The following ZDHHC20 variants were observed in gnomAD, a reference collection of about 807,000 sequenced individuals.
The protein encoded by ZDHHC20 is palmitoyltransferase ZDHHC20.
ZDHHC20 carries 43 observed loss-of-function variants against 57.8 expected under a neutral mutation model. That is an observed-to-expected ratio of 0.74 (90% CI 0.58 to 0.96). The LOEUF (loss-of-function observed/expected upper bound fraction) is 0.96, where lower values mean the gene tolerates loss of function less well. Ranked by LOEUF, ZDHHC20 falls within the 40% of genes least tolerant of loss-of-function variation. The pLI, the probability that ZDHHC20 is intolerant of heterozygous loss-of-function variation, is 0.00. For synonymous variants in ZDHHC20, 157 were observed against 153.0 expected, an observed-to-expected ratio of 1.03 and a Z score of -0.19; for missense variants, 391 against 441.1, an observed-to-expected ratio of 0.89 and a Z score of 1.02.
At chr13:21,427,834 CAAAAAAAAAA>C (rs755599024) in intron 1 of ZDHHC20, among the ~76,000 whole-genome samples, 1 of 92,526 alleles carries the variant, frequency 1.1e-5, no homozygotes, top group South Asian at 4.2e-4. Context: ...GACTCTGTTT[CAAAAAAAAAA>C]AAAAAAAAAA....
rs1445414755 is a variant in ZDHHC20 at position 21,387,652 on chromosome 13, A to G, written c.728-18T>C. The G allele has an allele frequency of 5.2e-6, 7 of 1,345,734 alleles. No individual in the cohort carries two copies. Among genetic ancestry groups the G allele is most frequent in the Non-Finnish European group, 6.7e-6 (7 of 1,038,850 alleles). 83.4% of individuals were successfully genotyped at this position (1,345,734 alleles called of 1,614,324 possible). On this transcript the variant is annotated intron_variant, in intron 8 of 12. Coordinates refer to ENST00000400590, the MANE Select transcript of ZDHHC20 (RefSeq NM_001330059.2). ...GAATGATTCTGTTAAATATACATACATATATAAACTAATTAATCTATTTAA... is the reference window on the plus strand; with the variant it reads ...GAATGATTCTGTTAAATATACATACGTATATAAACTAATTAATCTATTTAA...
intron 4 of ZDHHC20, among the ~76,000 whole-genome samples, chr13:21,412,096 TC>T (rs1879295141): frequency 6.6e-6 from 1 of 152,156 alleles, no homozygotes; most frequent in African/African-American, 2.4e-5. Context: ...GGTCTGCAGC[TC>T]CCACCTCTGA....
At chr13:21,378,169 C>T (rs528507557) in intron 12 of ZDHHC20, among the ~76,000 whole-genome samples, 9 of 152,156 alleles carry the variant, frequency 5.9e-5, no homozygotes, top group East Asian at 5.8e-4. Context: ...CAGCCTCCCA[C>T]GTAACTGGGA....
intron 2 of ZDHHC20, among the ~76,000 whole-genome samples, chr13:21,425,013 A>G (rs1190735831): frequency 6.6e-6 from 1 of 152,216 alleles, no homozygotes; most frequent in Non-Finnish European, 1.5e-5. Flanking sequence ...CAAGTATTTT[A>G]GAAATCCTCT....
At chr13:21,388,005 G>A (rs1874883831) in intron 8 of ZDHHC20, among the ~76,000 whole-genome samples, 1 of 151,760 alleles carries the variant, frequency 6.6e-6, no homozygotes, top group Non-Finnish European at 1.5e-5. Context: ...CCAGGTATTT[G>A]GGATTCAAAG....
chr13:21,404,849 A>G (rs2137814436), intron 4 of ZDHHC20, among the ~76,000 whole-genome samples: 1 of 152,298 alleles, frequency 6.6e-6, no homozygotes, highest in South Asian at 2.1e-4. Context: ...ACCCTATCCC[A>G]ATAAAATGCA....
At chr13:21,423,616 G>A (rs1165549375) in intron 2 of ZDHHC20, among the ~76,000 whole-genome samples, 1 of 151,916 alleles carries the variant, frequency 6.6e-6, no homozygotes, top group Non-Finnish European at 1.5e-5. Context: ...AAATGTTGCA[G>A]TGAGCCGAGA....
intron 7 of ZDHHC20, among the ~76,000 whole-genome samples, chr13:21,397,675 C>T (rs541425048): frequency 1.3e-5 from 2 of 151,958 alleles, no homozygotes; most frequent in African/African-American, 4.8e-5. Context: ...AACAAAACAA[C>T]AACAAAAAAG....
Position 21,387,527 on chromosome 13 carries a change from GC to G in ZDHHC20, c.834del (p.Trp278CysfsTer82). On this transcript the variant is annotated frameshift_variant, in exon 9 of 13. Transcript: ENST00000400590. LOFTEE classifies it high-confidence loss of function. Reference sequence around the variant, plus strand: ...AATTACCTTGAAAATATTGGAAGTAGCCAATATTTCTTTTCATCACCAAAGA... The same window carrying G: ...AATTACCTTGAAAATATTGGAAGTAGCAATATTTCTTTTCATCACCAAAGA... Reference protein sequence around the residue: ...RQVFGDEKKYWLLPIFSSLGD... With the variant: ...RQVFGDEKKYXLLPIFSSLGD... 6.5e-7 allele frequency: 1 copy of G among 1,533,580 alleles called. No individual in the cohort carries two copies. Among genetic ancestry groups the G allele is most frequent in the South Asian group, 1.3e-5 (1 of 79,686 alleles). The allele number at this position is 1,533,580 out of a possible 1,614,324, so 95.0% of individuals were successfully genotyped here. A position where few individuals can be genotyped will look rare whatever the true frequency, so the allele number is the denominator to read the frequency against.
At chr13:21,440,651 T>C (rs1883048391) in intron 1 of ZDHHC20, among the ~76,000 whole-genome samples, 2 of 151,780 alleles carry the variant, frequency 1.3e-5, no homozygotes, top group Non-Finnish European at 2.9e-5. Flanking sequence ...TGTGTGTGTA[T>C]ATATATATAT....
At position 21,446,150 on chromosome 13, in the gene ZDHHC20, G is replaced by C. The variant is rs937468712; in HGVS notation, c.118+12904C>G. ...AATTTCATTTTAAGCAAAGTGGAAAGCCATCAGAGGGTGCTGAGCAGAGGA... is the reference window on the plus strand; with the variant it reads ...AATTTCATTTTAAGCAAAGTGGAAACCCATCAGAGGGTGCTGAGCAGAGGA... On this transcript the variant is annotated intron_variant, in intron 1 of 12. Transcript: ENST00000400590. Among the ~76,000 whole-genome samples, 3 of 152,348 alleles carry C rather than the reference G, an allele frequency of 2.0e-5. No homozygotes were observed. The South Asian group carries it at 6.2e-4, about 32-fold the overall frequency.
intron 11 of ZDHHC20, 29 bp from the exon 12 acceptor site, chr13:21,378,767 A>C: frequency 2.0e-6 from 2 of 1,017,364 alleles, no homozygotes; most frequent in Non-Finnish European, 2.6e-6. Flanking sequence ...ATATGACATG[A>C]CAAAAAAAAA....
intron 1 of ZDHHC20, among the ~76,000 whole-genome samples, chr13:21,456,925 T>C (rs886270217): frequency 2.0e-5 from 3 of 152,198 alleles, no homozygotes; most frequent in Admixed American, 6.5e-5. Context: ...ACTGAAGTTA[T>C]ATGAAAGAAC....
chr13:21,406,333 A>G (rs1182686895), intron 4 of ZDHHC20, among the ~76,000 whole-genome samples: 1 of 152,082 alleles, frequency 6.6e-6, no homozygotes, highest in Non-Finnish European at 1.5e-5. Context: ...ACTCCTGCAC[A>G]TCTAATTGAC....
intron 9 of ZDHHC20, 78 bp from the exon 10 acceptor site, chr13:21,383,087 GA>G: frequency 7.9e-7 from 1 of 1,265,318 alleles, no homozygotes; most frequent in East Asian, 2.6e-5. Flanking sequence ...TCATTTTTCA[GA>G]GACATGGCAT....
chr13:21,417,436 T>TTTA (rs1169839169), intron 3 of ZDHHC20, among the ~76,000 whole-genome samples: 5 of 152,038 alleles, frequency 3.3e-5, no homozygotes, highest in South Asian at 2.1e-4. Flanking sequence ...GTTTTTACTT[T>TTTA]TTATTATTAT....
chr13:21,396,854 GA>G (rs1876871094), intron 7 of ZDHHC20, among the ~76,000 whole-genome samples: 1 of 150,508 alleles, frequency 6.6e-6, no homozygotes, highest in Admixed American at 6.6e-5. Context: ...AAGAAAGAAA[GA>G]AAACTCAGAA....
At chr13:21,393,015 T>G (rs1298675208) in intron 7 of ZDHHC20, among the ~76,000 whole-genome samples, 1 of 152,188 alleles carries the variant, frequency 6.6e-6, no homozygotes, top group African/African-American at 2.4e-5. Flanking sequence ...TAGAGACATA[T>G]ATTAAGAAAC....
At chr13:21,428,911 CA>C (rs1881604351) in intron 1 of ZDHHC20, among the ~76,000 whole-genome samples, 1 of 150,202 alleles carries the variant, frequency 6.7e-6, no homozygotes, top group Non-Finnish European at 1.5e-5. Flanking sequence ...CAAAAAAACC[CA>C]ACAACAACAA....
Sources: gnomAD v4.1 joint callset for allele counts (sites outside exome capture counted in the v4.1 genomes callset) on GRCh38, gnomAD v4.1.1 for gene constraint, MANE v1.5 for transcripts, NCBI Gene and HGNC (gene_info 2026-07-23, HGNC 2026-07-21) for gene names.